The following DMD variants were observed in gnomAD, a reference collection of about 807,000 sequenced individuals.
DMD encodes mutant dystrophin.
Under a neutral mutation model 330.1 loss-of-function variants are expected in DMD, and 63 were observed. That is an observed-to-expected ratio of 0.19 (90% CI 0.16 to 0.24). The LOEUF is 0.24. Among genes scored for constraint, DMD ranks in the 10% least tolerant of loss-of-function variants. DMD has a pLI of 1.00. For missense variants in DMD, 3,344 were observed against 2,684.1 expected, an observed-to-expected ratio of 1.25 and a Z score of -5.43; for synonymous variants, 1,223 against 959.8, an observed-to-expected ratio of 1.27 and a Z score of -5.07.
chrX:33,235,229 C>G (rs2052455317), intron 1 of DMD, among the ~76,000 whole-genome samples: 1 of 111,643 alleles, frequency 9.0e-6, no homozygotes, highest in Non-Finnish European at 1.9e-5. Flanking sequence ...GAGCACGCAC[C>G]AGTTCCTATT....
At chrX:32,085,690 ACGTATATATACACACGCGTAT>A (rs2096433364) in intron 44 of DMD, among the ~76,000 whole-genome samples, 1 of 104,793 alleles carries the variant, frequency 9.5e-6, no homozygotes, top group Non-Finnish European at 1.9e-5. Context: ...GTATATATAT[ACGTATATATACACACGCGTAT>A]ATATATACAC....
intron 5 of DMD, among the ~76,000 whole-genome samples, chrX:32,819,866 AG>A (rs753050218): frequency 1.2e-4 from 13 of 108,378 alleles, no homozygotes; most frequent in Non-Finnish European, 5.7e-5. Flanking sequence ...AAAAAAAAAA[AG>A]AAAAACACAT....
intron 4 of DMD, among the ~76,000 whole-genome samples, chrX:32,825,266 G>A (rs776056776): frequency 9.0e-6 from 1 of 111,417 alleles, no homozygotes; most frequent in Non-Finnish European, 1.9e-5. Flanking sequence ...CTTAGATCAA[G>A]TAATAGGAAC....
At chrX:31,955,003 CAAAA>C (rs530305580) in intron 45 of DMD, among the ~76,000 whole-genome samples, 6 of 60,226 alleles carry the variant, frequency 1.0e-4, no homozygotes, top group Admixed American at 2.1e-4. Context: ...CTGCCTCTAC[CAAAA>C]AAAAAAAAAA....
rs200540950 is a variant in DMD at position 33,174,034 on chromosome X, CAAA to C, written c.31+37245_31+37247del. On this transcript the variant is annotated intron_variant, in intron 1 of 78. Transcript: ENST00000357033. ...TGTATCTATATAAGATTGGTAACTA[CAAA>C]AAAAAAAAAAAAAAAAAGAATCCCC... 7.0e-3 allele frequency among the ~76,000 whole-genome samples: 368 copies of C among 52,776 alleles called. 1 individual carries two copies. The highest frequency in any genetic ancestry group is 0.013 in the Middle Eastern group (1 of 79). The allele number at this position is 52,776 out of a possible 115,157, so 45.8% of individuals were successfully genotyped here.
intron 64 of DMD, among the ~76,000 whole-genome samples, chrX:31,217,108 G>A (rs762931155): frequency 2.0e-5 from 2 of 99,641 alleles, no homozygotes; most frequent in South Asian, 5.2e-4. Flanking sequence ...CCTCACACCT[G>A]TAGAATGTCA....
intron 1 of DMD, among the ~76,000 whole-genome samples, chrX:33,150,450 C>T (rs943115196): frequency 4.6e-5 from 5 of 109,370 alleles, no homozygotes; most frequent in South Asian, 4.1e-4. Context: ...TGCACCACCA[C>T]GCCCGGCTAA....
chrX:32,793,664 A>T (rs1569523306), intron 7 of DMD, among the ~76,000 whole-genome samples: 1 of 111,964 alleles, frequency 8.9e-6, no homozygotes, highest in African/African-American at 3.2e-5. Flanking sequence ...ATCTAGAGGA[A>T]TGTATAAATT....
At chrX:32,072,231 TC>T (rs1007794426) in intron 44 of DMD, among the ~76,000 whole-genome samples, 4 of 111,525 alleles carry the variant, frequency 3.6e-5, no homozygotes, top group African/African-American at 1.3e-4. Flanking sequence ...AACCCTTTGC[TC>T]TCCAATGACA....
At chrX:32,810,134 C>T (rs1032500690) in intron 6 of DMD, among the ~76,000 whole-genome samples, 2 of 109,632 alleles carry the variant, frequency 1.8e-5, no homozygotes, top group Admixed American at 9.8e-5. Context: ...AAAAAGAATG[C>T]TGAGGATGTA....
Position 32,614,384 on chromosome X carries a change from T to C in DMD, c.1401A>G (p.Thr467=). 1 of 1,208,102 alleles carries C rather than the reference T, an allele frequency of 8.3e-7. No individual in the cohort carries two copies. Among genetic ancestry groups the C allele is most frequent in the Non-Finnish European group, 1.1e-6 (1 of 892,969 alleles). ...LKELNDWLTK[T]EERTRKMEEE... ...CCTCCATTTTCCTTGTTCTTTCTTC[T>C]GTTTTTGTTAGCCAGTCATTCAACT... The change falls in exon 12 of 79, where the codon ACA becomes ACG. Residue 467 remains threonine, a synonymous_variant. Coordinates refer to ENST00000357033, the MANE Select transcript of DMD (RefSeq NM_004006.3).
intron 15 of DMD, among the ~76,000 whole-genome samples, chrX:32,572,550 GTTTT>G (rs34204984): frequency 1.0e-5 from 1 of 96,770 alleles, no homozygotes; most frequent in Admixed American, 1.1e-4. Flanking sequence ...AAACTTTAGA[GTTTT>G]TTTTTTTTTT....
At position 33,163,628 on chromosome X, in the gene DMD, C is replaced by G. The variant is rs113905714; in HGVS notation, c.31+47654G>C. On this transcript the variant is annotated intron_variant, in intron 1 of 78. Transcript: ENST00000357033. ...TATATCTATATCTATCTCTATCTAT[C>G]TATCTATCTATCTATCTATCTATCT... Among the ~76,000 whole-genome samples, 7 of 100,067 alleles carry G rather than the reference C, an allele frequency of 7.0e-5. No individual in the cohort carries two copies. In the East Asian group the frequency reaches 9.2e-4, roughly 13 times the overall value. 86.9% of individuals were successfully genotyped at this position (100,067 alleles called of 115,157 possible).
intron 1 of DMD, among the ~76,000 whole-genome samples, chrX:33,273,068 T>A (rs1263102681): frequency 1.8e-5 from 2 of 111,610 alleles, no homozygotes; most frequent in Non-Finnish European, 3.8e-5. Context: ...ATCCCACCTC[T>A]AAGCATTACC....
intron 44 of DMD, among the ~76,000 whole-genome samples, chrX:31,989,254 T>C (rs1206587062): frequency 1.8e-5 from 2 of 111,838 alleles, no homozygotes; most frequent in Non-Finnish European, 3.8e-5. Flanking sequence ...TTTGACCAAA[T>C]GTCTCGGTAC....
At chrX:33,120,710 G>A (rs557768483) in intron 1 of DMD, among the ~76,000 whole-genome samples, 7 of 108,693 alleles carry the variant, frequency 6.4e-5, no homozygotes, top group African/African-American at 2.0e-4. Context: ...GCGAAACCCC[G>A]TCTCTACTAA....
intron 1 of DMD, among the ~76,000 whole-genome samples, chrX:33,254,768 G>A (rs1187824027): frequency 9.1e-6 from 1 of 109,916 alleles, no homozygotes; most frequent in Non-Finnish European, 1.9e-5. Flanking sequence ...GAACAAAGGT[G>A]GTTTTGGATA....
chrX:33,103,798 A>C (rs1031868784), intron 1 of DMD, among the ~76,000 whole-genome samples: 1 of 111,961 alleles, frequency 8.9e-6, no homozygotes, highest in South Asian at 3.7e-4. Flanking sequence ...GTAAACTCAG[A>C]AATGTATGGA....
rs999855644 is a variant in DMD at position 31,941,356 on chromosome X, T to G, written c.6615-9129A>C. ...GCCTAAACGTGCTCCTCTGTCAAGT[T>G]CAATGGATGACTCCACCAGCTCCCG... On this transcript the variant is annotated intron_variant, in intron 45 of 78. Transcript: ENST00000357033. Among the ~76,000 whole-genome samples, 4 of 111,644 alleles carry G rather than the reference T, an allele frequency of 3.6e-5. No individual in the cohort carries two copies. In the South Asian group the frequency reaches 1.5e-3, roughly 42 times the overall value.
Sources: allele counts gnomAD v4.1 joint callset (sites outside exome capture counted in the v4.1 genomes callset), GRCh38; gene constraint gnomAD v4.1.1; transcripts MANE v1.5; gene names NCBI Gene and HGNC (gene_info 2026-07-23, HGNC 2026-07-21).